Variants in ADGRL2 observed in about 807,000 individuals in gnomAD.
The protein encoded by ADGRL2 is adhesion G protein-coupled receptor L2, also known as calcium-independent alpha-latrotoxin receptor 2.
A neutral mutation model predicts 157.4 loss-of-function variants in ADGRL2; 44 were observed. That is an observed-to-expected ratio of 0.28 (90% confidence interval 0.22 to 0.36). The LOEUF is 0.36. Among genes scored for constraint, ADGRL2 ranks in the 10% least tolerant of loss-of-function variants. The pLI is 1.00. For synonymous variants in ADGRL2, 585 were observed against 624.7 expected, an observed-to-expected ratio of 0.94 and a Z score of 0.95; for missense variants, 1,510 against 1,768.9, an observed-to-expected ratio of 0.85 and a Z score of 2.63.
At chr1:81,708,987 G>C (rs886876034) in intron 1 of ADGRL2, among the ~76,000 whole-genome samples, 3 of 152,018 alleles carry the variant, frequency 2.0e-5, no homozygotes, top group Non-Finnish European at 2.9e-5. Flanking sequence ...CCACACTTCT[G>C]AATATGGTCT....
rs770688472 is a variant in ADGRL2 at position 81,966,604 on chromosome 1, A to T, written c.2344A>T (p.Ile782Phe). 1.2e-6 allele frequency: 2 copies of T among 1,613,458 alleles called. No individual in the cohort carries two copies. Among genetic ancestry groups the T allele is most frequent in the Non-Finnish European group, 8.5e-7 (1 of 1,179,406 alleles). ...TDPVLFTLPH[I>F]DPDNYFNANC... ...TCCTGTGCTTTTTACCCTGCCACAC[A>T]TTGATGTAAGTTAATGTATGCTAAT... The change falls in exon 13 of 24, where the codon ATT becomes TTT. Residue 782 changes from isoleucine (I) to phenylalanine (F), a missense_variant. By Grantham distance (21) the Ile-to-Phe change is conservative. Around this residue, in one of 4 missense-constraint regions of ADGRL2, gnomAD observed 497 missense variants for 627.2 expected, o/e 0.79. Coordinates refer to ENST00000686636, the MANE Select transcript of ADGRL2 (RefSeq NM_001366006.2).
intron 1 of ADGRL2, among the ~76,000 whole-genome samples, chr1:81,327,074 T>G (rs896410378): frequency 1.3e-5 from 2 of 152,220 alleles, no homozygotes; most frequent in South Asian, 4.2e-4. Flanking sequence ...TTTAAAGAGG[T>G]TCAGGACATA....
In ADGRL2 at chr1:81,912,117, G is replaced by A. The variant is rs189645332; in HGVS notation, c.287+4887G>A. Among the ~76,000 whole-genome samples, 35 of 150,724 alleles carry A rather than the reference G, an allele frequency of 2.3e-4. 1 individual carries two copies. Among genetic ancestry groups the A allele is most frequent in the Admixed American group, 2.1e-3 (31 of 15,096 alleles). On this transcript the variant is annotated intron_variant, in intron 3 of 23. Transcript: ENST00000686636. ...GATAGGGTCTCACTCCCTTGCCCAC[G>A]CTGGAGTGCAGTGGCATGATCTCTG...
At chr1:81,755,172 A>G (rs1011807389) in intron 1 of ADGRL2, among the ~76,000 whole-genome samples, 2 of 141,428 alleles carry the variant, frequency 1.4e-5, no homozygotes, top group Non-Finnish European at 3.1e-5. Context: ...ATATTTAAAG[A>G]TATATATAGA....
At chr1:81,639,357 C>T (rs1451975018) in intron 3 of ADGRL2, among the ~76,000 whole-genome samples, 1 of 151,986 alleles carries the variant, frequency 6.6e-6, no homozygotes, top group African/African-American at 2.4e-5. Flanking sequence ...AGGCATGAGC[C>T]ACTGGGCCCC....
At chr1:81,809,068 G>A (rs963445339) in intron 1 of ADGRL2, among the ~76,000 whole-genome samples, 2 of 151,948 alleles carry the variant, frequency 1.3e-5, no homozygotes, top group Non-Finnish European at 2.9e-5. Context: ...CATTAATCAC[G>A]ACCTGACAAG....
At chr1:81,582,826 C>T (rs550721812) in intron 3 of ADGRL2, among the ~76,000 whole-genome samples, 5 of 152,228 alleles carry the variant, frequency 3.3e-5, no homozygotes, top group East Asian at 3.9e-4. Flanking sequence ...AGACACATTG[C>T]CTCGTGCACT....
intron 4 of ADGRL2, among the ~76,000 whole-genome samples, chr1:81,940,386 G>A (rs563696172): frequency 6.6e-6 from 1 of 151,506 alleles, no homozygotes; most frequent in South Asian, 2.1e-4. Flanking sequence ...TCGCTGAGGA[G>A]TAATTTTAGG....
intron 1 of ADGRL2, among the ~76,000 whole-genome samples, chr1:81,366,446 C>G (rs1281283162): frequency 1.3e-5 from 2 of 152,142 alleles, no homozygotes. Context: ...AAACAAAGAA[C>G]TGTAAAATTA....
At chr1:81,619,616 A>G (rs1333644591) in intron 3 of ADGRL2, among the ~76,000 whole-genome samples, 3 of 152,072 alleles carry the variant, frequency 2.0e-5, no homozygotes, top group Non-Finnish European at 4.4e-5. Context: ...ATATAATACC[A>G]TTTTGTGATC....
intron 1 of ADGRL2, among the ~76,000 whole-genome samples, chr1:81,328,456 C>T (rs1196562410): frequency 1.3e-5 from 2 of 152,204 alleles, no homozygotes; most frequent in South Asian, 2.1e-4. Context: ...CAACCCCCAT[C>T]CCTAAAATAT....
At position 81,952,127 on chromosome 1, in the gene ADGRL2, A is replaced by G; in HGVS notation, c.1779A>G (p.Gly593=). Residue 593 remains glycine, a synonymous_variant, in exon 9 of 24, where the codon GGA becomes GGG. Transcript: ENST00000686636. ...ELKPSEKDSA[G]RSYNKLQKRE... is the part of the protein sequence containing the mutation. The stretch of plus-strand genomic sequence containing the variant: ...AACCTAGTGAAAAAGATTCAGCTGG[A>G]CGGAGTTATAACAAGGTAGAGAGAA... 6.2e-7 allele frequency: 1 copy of G among 1,612,164 alleles called. No individual in the cohort carries two copies. The highest frequency in any genetic ancestry group is 8.5e-7 in the Non-Finnish European group (1 of 1,178,850).
At chr1:81,810,899 T>C (rs555059868) in intron 1 of ADGRL2, among the ~76,000 whole-genome samples, 1 of 152,014 alleles carries the variant, frequency 6.6e-6, no homozygotes, top group Non-Finnish European at 1.5e-5. Flanking sequence ...ATAACTTTTT[T>C]GCGCTTTTCA....
At chr1:81,374,721 C>T (rs189520446) in intron 1 of ADGRL2, among the ~76,000 whole-genome samples, 2 of 152,318 alleles carry the variant, frequency 1.3e-5, no homozygotes, top group Non-Finnish European at 2.9e-5. Context: ...TCTGCTCTGG[C>T]ATGCATATCC....
At chr1:81,676,678 A>AT (rs1371340658) in intron 3 of ADGRL2, among the ~76,000 whole-genome samples, 1 of 151,354 alleles carries the variant, frequency 6.6e-6, no homozygotes, top group Non-Finnish European at 1.5e-5. Flanking sequence ...AACTCACTGG[A>AT]TTTATTTTAT....
chr1:81,832,197 A>C (rs2091988305), intron 1 of ADGRL2, among the ~76,000 whole-genome samples: 1 of 152,138 alleles, frequency 6.6e-6, no homozygotes, highest in Admixed American at 6.5e-5. Flanking sequence ...GCTGGAGTGC[A>C]GCGGCACGAT....
chr1:81,768,018 C>T (rs1231303232), intron 2 of ADGRL2, among the ~76,000 whole-genome samples: 1 of 151,928 alleles, frequency 6.6e-6, no homozygotes, highest in African/African-American at 2.4e-5. Context: ...CTAGCTAGCA[C>T]TTAATATTGT....
chr1:81,546,398 T>C (rs1172057129), intron 2 of ADGRL2, among the ~76,000 whole-genome samples: 1 of 152,200 alleles, frequency 6.6e-6, no homozygotes, highest in African/African-American at 2.4e-5. Context: ...AATTAGATAG[T>C]TAATTTGGAT....
intron 1 of ADGRL2, among the ~76,000 whole-genome samples, chr1:81,366,797 C>T (rs1445336894): frequency 6.6e-6 from 1 of 152,134 alleles, no homozygotes; most frequent in African/African-American, 2.4e-5. Flanking sequence ...TTGAAAACCT[C>T]CCAGTTGCTG....
Sources: allele counts gnomAD v4.1 joint callset (sites outside exome capture counted in the v4.1 genomes callset), GRCh38; gene constraint gnomAD v4.1.1; regional missense constraint gnomAD v4.1.1; transcripts MANE v1.5; gene names NCBI Gene and HGNC (gene_info 2026-07-23, HGNC 2026-07-21).